RAPGEF2: variants seen among roughly 807,000 people sequenced by gnomAD.
The protein encoded by RAPGEF2 is Rap guanine nucleotide exchange factor 2, also known as PDZ domain containing guanine nucleotide exchange factor (GEF) 1.
RAPGEF2 carries 54 observed loss-of-function variants against 186.7 expected under a neutral mutation model. That is an observed-to-expected ratio of 0.29 (90% CI 0.23 to 0.36). RAPGEF2 has a LOEUF of 0.36. Among genes scored for constraint, RAPGEF2 ranks in the 10% least tolerant of loss-of-function variants. The pLI is 1.00. For missense variants in RAPGEF2, 1,532 were observed against 2,045.0 expected (o/e 0.75, Z 4.84); for synonymous variants, 712 against 705.9 (o/e 1.01, Z -0.14).
At chr4:159,337,889 CAAAAAAAAAAA>C (rs553291521) in intron 17 of RAPGEF2, among the ~76,000 whole-genome samples, 5 of 32,584 alleles carry the variant, frequency 1.5e-4, no homozygotes, top group Non-Finnish European at 3.4e-4. Context: ...GACTCCATCT[CAAAAAAAAAAA>C]AAAAAAAAAA....
intron 17 of RAPGEF2, among the ~76,000 whole-genome samples, chr4:159,337,791 G>A (rs1324176162): frequency 1.3e-5 from 2 of 149,124 alleles, no homozygotes; most frequent in East Asian, 3.9e-4. Flanking sequence ...TCAGGAGGCT[G>A]AGGCAGGAGA....
At chr4:159,201,291 T>C (rs530052494) in intron 3 of RAPGEF2, among the ~76,000 whole-genome samples, 1 of 152,350 alleles carries the variant, frequency 6.6e-6, no homozygotes, top group Middle Eastern at 3.4e-3. Flanking sequence ...ATTAAAATTA[T>C]TGTGTATCTG....
intron 2 of RAPGEF2, among the ~76,000 whole-genome samples, chr4:159,190,283 A>G (rs1046298552): frequency 1.4e-4 from 22 of 152,290 alleles, no homozygotes; most frequent in Non-Finnish European, 2.9e-4. Flanking sequence ...TAGTGGTTGG[A>G]AAGATCTCTG....
intron 19 of RAPGEF2, among the ~76,000 whole-genome samples, chr4:159,340,367 T>C (rs1304244167): frequency 1.3e-5 from 2 of 152,142 alleles, no homozygotes; most frequent in East Asian, 3.9e-4. Context: ...GGAACCACGA[T>C]AGAGTTTTAC....
chr4:159,317,986 A>G (rs528896524), intron 9 of RAPGEF2, among the ~76,000 whole-genome samples: 2 of 152,252 alleles, frequency 1.3e-5, no homozygotes, highest in East Asian at 3.9e-4. Context: ...ATAGCTGAGA[A>G]ACCCTCTTTC....
chr4:159,173,047 C>A (rs1234122912), intron 1 of RAPGEF2, among the ~76,000 whole-genome samples: 1 of 152,116 alleles, frequency 6.6e-6, no homozygotes, highest in Non-Finnish European at 1.5e-5. Context: ...TAGTGGAAGG[C>A]TTTAATTACA....
At chr4:159,297,504 AAG>A (rs1383077855) in intron 7 of RAPGEF2, among the ~76,000 whole-genome samples, 24 of 152,328 alleles carry the variant, frequency 1.6e-4, no homozygotes, top group Admixed American at 9.2e-4. Flanking sequence ...TTTATTATAA[AAG>A]AGAGTAATTG....
At chr4:159,109,443 T>C (rs1184753995) in intron 1 of RAPGEF2, among the ~76,000 whole-genome samples, 1 of 152,240 alleles carries the variant, frequency 6.6e-6, no homozygotes, top group East Asian at 1.9e-4. Flanking sequence ...CCATTTTTGG[T>C]AACAATTTCC....
chr4:159,277,083 C>A (rs1758997058), intron 7 of RAPGEF2, among the ~76,000 whole-genome samples: 1 of 147,274 alleles, frequency 6.8e-6, no homozygotes, highest in African/African-American at 2.5e-5. Flanking sequence ...CTCCCCCTAC[C>A]CCACTACAGG....
intron 4 of RAPGEF2, among the ~76,000 whole-genome samples, chr4:159,214,983 C>T (rs1750865568): frequency 6.6e-6 from 1 of 152,202 alleles, no homozygotes; most frequent in South Asian, 2.1e-4. Context: ...GTGCCTCGGC[C>T]TCCCAAGTAG....
At chr4:159,290,456 T>C (rs1010492763) in intron 7 of RAPGEF2, among the ~76,000 whole-genome samples, 1 of 152,202 alleles carries the variant, frequency 6.6e-6, no homozygotes, top group African/African-American at 2.4e-5. Flanking sequence ...GATACATCAG[T>C]ATGCATACAC....
chr4:159,187,460 T>C (rs915227294), intron 2 of RAPGEF2, among the ~76,000 whole-genome samples: 1 of 152,238 alleles, frequency 6.6e-6, no homozygotes, highest in East Asian at 1.9e-4. Context: ...CATTCAGATA[T>C]ATTAGAAACC....
At chr4:159,324,570 TTTTA>T (rs1218784400) in intron 11 of RAPGEF2, among the ~76,000 whole-genome samples, 1 of 152,212 alleles carries the variant, frequency 6.6e-6, no homozygotes, top group African/African-American at 2.4e-5. Flanking sequence ...TATGCAGTGT[TTTTA>T]TTTAAATACA....
At chr4:159,265,952 A>G (rs1290686203) in intron 7 of RAPGEF2, among the ~76,000 whole-genome samples, 2 of 152,236 alleles carry the variant, frequency 1.3e-5, no homozygotes, top group Non-Finnish European at 2.9e-5. Flanking sequence ...ACTATGGTTC[A>G]TCATGTAAGT....
chr4:159,129,188 T>C (rs1400322382), intron 1 of RAPGEF2, among the ~76,000 whole-genome samples: 2 of 151,970 alleles, frequency 1.3e-5, no homozygotes, highest in East Asian at 3.9e-4. Flanking sequence ...TTTTGAAGAA[T>C]TTGAAAAGCA....
intron 7 of RAPGEF2, among the ~76,000 whole-genome samples, chr4:159,271,108 T>G (rs1167465658): frequency 6.6e-6 from 1 of 152,186 alleles, no homozygotes; most frequent in Admixed American, 6.5e-5. Context: ...TTAGGGAAAT[T>G]GTTAGCATTA....
At chr4:159,241,395 A>G in intron 6 of RAPGEF2, 27 bp downstream of exon 6, 1 of 1,281,294 alleles carries the variant, frequency 7.8e-7, no homozygotes, top group Non-Finnish European at 9.9e-7. Flanking sequence ...TAATATTTTT[A>G]TTTATTTCTA....
rs137896454 is a variant in RAPGEF2 at position 159,315,482 on chromosome 4, G to T, written c.853+714G>T. Among the ~76,000 whole-genome samples, 461 of 152,186 alleles carry T rather than the reference G, an allele frequency of 3.0e-3. 2 individuals carry two copies. The highest frequency in any genetic ancestry group is 9.9e-3 in the African/African-American group (413 of 41,534). ...TCTCCCCATGTGCAGAGACGAGAGA[G>T]TGTAGAAATAAAGACACAAGACAAA... On this transcript the variant is annotated intron_variant, in intron 9 of 29. Coordinates refer to ENST00000691494, the MANE Select transcript of RAPGEF2 (RefSeq NM_001394067.2).
intron 26 of RAPGEF2, chr4:159,351,234 A>T: frequency 6.8e-7 from 1 of 1,474,900 alleles, no homozygotes; most frequent in South Asian, 1.3e-5. Context: ...TCATCTCATT[A>T]GTTAATGAAA....
Sources: gnomAD v4.1 joint callset for allele counts (sites outside exome capture counted in the v4.1 genomes callset) on GRCh38, gnomAD v4.1.1 for gene constraint, MANE v1.5 for transcripts, NCBI Gene and HGNC (gene_info 2026-07-23, HGNC 2026-07-21) for gene names.